The following RYR2 variants were observed in gnomAD, a reference collection of about 807,000 sequenced individuals.
RYR2 encodes the protein cardiac muscle ryanodine receptor-calcium release channel.
RYR2 carries 227 observed loss-of-function variants against 601.1 expected under a neutral mutation model. That is an observed-to-expected ratio of 0.38 (90% CI 0.34 to 0.42). RYR2 has a LOEUF of 0.42. Among genes scored for constraint, RYR2 ranks in the 10% least tolerant of loss-of-function variants. RYR2 has a pLI of 1.00. For synonymous variants in RYR2, 2,223 were observed against 2,175.1 expected, an observed-to-expected ratio of 1.02 and a Z score of -0.61; for missense variants, 4,646 against 6,156.5, an observed-to-expected ratio of 0.75 and a Z score of 8.21.
intron 103 of RYR2, 59 bp from the exon 104 acceptor site, chr1:237,831,455 C>T (rs1663781022): frequency 1.1e-6 from 1 of 894,126 alleles, no homozygotes; most frequent in African/African-American, 1.7e-5. Context: ...CTAAATATGC[C>T]CTGTTTATCC....
chr1:237,380,829 A>G (rs949130156), intron 8 of RYR2, among the ~76,000 whole-genome samples: 4 of 151,828 alleles, frequency 2.6e-5, no homozygotes, highest in Non-Finnish European at 4.4e-5. Flanking sequence ...TGTAATCCCA[A>G]CACTCTGGAA....
At chr1:237,090,719 C>T (rs904133282) in intron 1 of RYR2, among the ~76,000 whole-genome samples, 3 of 152,228 alleles carry the variant, frequency 2.0e-5, no homozygotes, top group African/African-American at 7.2e-5. Context: ...GAATGACTGA[C>T]TGTCCTCCCT....
At chr1:237,413,490 A>G (rs1441341533) in intron 10 of RYR2, among the ~76,000 whole-genome samples, 3 of 152,186 alleles carry the variant, frequency 2.0e-5, no homozygotes, top group African/African-American at 4.8e-5. Context: ...ATAAATCCAT[A>G]TAACTTTACA....
At chr1:237,492,834 A>AGGAC in intron 18 of RYR2, 120 bp from the exon 19 acceptor site, 1 of 802,598 alleles carries the variant, frequency 1.2e-6, no homozygotes, top group Non-Finnish European at 1.8e-6. Flanking sequence ...AAAGGAAGGA[A>AGGAC]GGAAGGAAGG....
At chr1:237,797,508 T>C (rs1220461373) in intron 96 of RYR2, among the ~76,000 whole-genome samples, 1 of 152,192 alleles carries the variant, frequency 6.6e-6, no homozygotes, top group African/African-American at 2.4e-5. Flanking sequence ...CCTATTGGCA[T>C]GCAGAGGTCT....
intron 10 of RYR2, among the ~76,000 whole-genome samples, chr1:237,406,661 T>C (rs756820780): frequency 2.8e-4 from 42 of 152,220 alleles, no homozygotes; most frequent in South Asian, 6.2e-4. Flanking sequence ...CTAATATATT[T>C]GTATTACTAT....
Position 237,506,925 on chromosome 1 carries a change from A to AT in RYR2, c.2718+118dup, listed in dbSNP as rs912993124. ...TGACATCAATCAGTTAGTTGGATTG[A>AT]TTTTTTTCCCCCTACACATTAGTTT... On this transcript the variant is annotated intron_variant, in intron 23 of 104. Coordinates refer to ENST00000366574, the MANE Select transcript of RYR2 (RefSeq NM_001035.3). The AT allele has an allele frequency of 3.6e-5, 33 of 912,020 alleles. No homozygotes were observed. The African/African-American group carries it at 4.0e-4, about 11-fold the overall frequency. The allele number at this position is 912,020 out of a possible 1,614,324, so 56.5% of individuals were successfully genotyped here. A position where few individuals can be genotyped will look rare whatever the true frequency, so the allele number is the denominator to read the frequency against.
chr1:237,461,631 C>T (rs936638296), intron 16 of RYR2, among the ~76,000 whole-genome samples: 3 of 151,504 alleles, frequency 2.0e-5, no homozygotes, highest in African/African-American at 7.3e-5. Flanking sequence ...TATTAACATG[C>T]ATTACTTTTA....
intron 1 of RYR2, among the ~76,000 whole-genome samples, chr1:237,176,106 T>C (rs1239863893): frequency 6.6e-6 from 1 of 151,734 alleles, no homozygotes; most frequent in Non-Finnish European, 1.5e-5. Context: ...TGTGTACCTG[T>C]AGTCCCAGTT....
At chr1:237,469,583 A>G (rs1660485833) in intron 17 of RYR2, among the ~76,000 whole-genome samples, 1 of 152,150 alleles carries the variant, frequency 6.6e-6, no homozygotes, top group Non-Finnish European at 1.5e-5. Flanking sequence ...TTATATCTTA[A>G]AAAACCTATT....
intron 17 of RYR2, among the ~76,000 whole-genome samples, chr1:237,482,133 C>T (rs1383921648): frequency 6.6e-6 from 1 of 152,142 alleles, no homozygotes; most frequent in Non-Finnish European, 1.5e-5. Flanking sequence ...ATAAGCACAT[C>T]ATGGAGAATG....
At chr1:237,821,726 C>T (rs1662525443) in intron 101 of RYR2, among the ~76,000 whole-genome samples, 1 of 151,826 alleles carries the variant, frequency 6.6e-6, no homozygotes, top group Non-Finnish European at 1.5e-5. Flanking sequence ...ACAAACTCCT[C>T]TGAGCTAAAG....
intron 6 of RYR2, 142 bp downstream of exon 6, chr1:237,369,750 G>T: frequency 1.5e-6 from 1 of 667,774 alleles, no homozygotes; most frequent in Non-Finnish European, 2.5e-6. Flanking sequence ...TTGTACCCTT[G>T]TTAGTTTCTC....
chr1:237,265,801 T>A (rs952438008), intron 1 of RYR2, among the ~76,000 whole-genome samples: 1 of 152,188 alleles, frequency 6.6e-6, no homozygotes, highest in Non-Finnish European at 1.5e-5. Flanking sequence ...GAGAGATAAT[T>A]GTAGCTTGGA....
At chr1:237,738,685 AT>A (rs10692311) in intron 79 of RYR2, among the ~76,000 whole-genome samples, 13 of 150,738 alleles carry the variant, frequency 8.6e-5, no homozygotes, top group African/African-American at 2.7e-4. Context: ...GTTGGAGTTC[AT>A]TTTTTTTTAT....
chr1:237,713,953 T>G (rs941267553), intron 71 of RYR2, among the ~76,000 whole-genome samples: 1 of 152,010 alleles, frequency 6.6e-6, no homozygotes, highest in African/African-American at 2.4e-5. Context: ...TTTTTTTTTT[T>G]GGTAGGCTAT....
chr1:237,116,739 T>C (rs1670123000), intron 1 of RYR2, among the ~76,000 whole-genome samples: 1 of 151,992 alleles, frequency 6.6e-6, no homozygotes, highest in Non-Finnish European at 1.5e-5. Flanking sequence ...TAAATCCCAG[T>C]CCAGGGGCTA....
intron 101 of RYR2, among the ~76,000 whole-genome samples, chr1:237,820,247 G>A (rs901236153): frequency 2.0e-5 from 3 of 151,490 alleles, no homozygotes; most frequent in African/African-American, 4.8e-5. Flanking sequence ...GGCCAAATAG[G>A]AACAGCTCCA....
chr1:237,074,975 G>T (rs1664824763), intron 1 of RYR2, among the ~76,000 whole-genome samples: 4 of 152,176 alleles, frequency 2.6e-5, no homozygotes, highest in African/African-American at 9.7e-5. Flanking sequence ...GATCTGGGCT[G>T]ATTCCACATG....
Sources: gnomAD v4.1 joint callset for allele counts (sites outside exome capture counted in the v4.1 genomes callset) on GRCh38, gnomAD v4.1.1 for gene constraint, MANE v1.5 for transcripts, NCBI Gene and HGNC (gene_info 2026-07-23, HGNC 2026-07-21) for gene names.